Variants in NRG1 observed in about 807,000 individuals in gnomAD.
NRG1 encodes pro-neuregulin-1, membrane-bound isoform.
In NRG1, 18 loss-of-function variants were observed where a neutral mutation model predicts 63.8. The ratio of observed to expected loss-of-function variants is 0.28; its 90% CI spans 0.19 to 0.42. The LOEUF is 0.42. Among genes scored for constraint, NRG1 ranks in the 10% least tolerant of loss-of-function variants. The probability of loss-of-function intolerance (pLI) is 1.00; values close to 1 mark genes in which losing one functional copy is unlikely to be tolerated. For missense variants in NRG1, 762 were observed against 814.7 expected, an observed-to-expected ratio of 0.94 and a Z score of 0.79; for synonymous variants, 302 against 301.3, an observed-to-expected ratio of 1.00 and a Z score of -0.02.
chr8:31,762,883 A>T (rs1489409453), intron 1 of NRG1, among the ~76,000 whole-genome samples: 1 of 152,214 alleles, frequency 6.6e-6, no homozygotes, highest in East Asian at 1.9e-4. Context: ...TGACAAGGAC[A>T]TTATTAGAAA....
intron 1 of NRG1, among the ~76,000 whole-genome samples, chr8:32,039,501 T>C (rs1350021521): frequency 2.6e-5 from 4 of 152,220 alleles, no homozygotes; most frequent in East Asian, 1.9e-4. Flanking sequence ...TGTTTTGTTT[T>C]TGAGCACAGT....
intron 1 of NRG1, among the ~76,000 whole-genome samples, chr8:32,441,991 A>G (rs971098544): frequency 6.6e-6 from 1 of 152,208 alleles, no homozygotes; most frequent in Non-Finnish European, 1.5e-5. Flanking sequence ...TATGAAGGTC[A>G]GTGCTTCATA....
chr8:32,087,582 T>G (rs1043787272), intron 1 of NRG1, among the ~76,000 whole-genome samples: 1 of 137,084 alleles, frequency 7.3e-6, no homozygotes, highest in Non-Finnish European at 1.5e-5. Flanking sequence ...GCAATTCTTC[T>G]GCCTCTGCCT....
chr8:32,148,306 C>T (rs891237098), intron 1 of NRG1, among the ~76,000 whole-genome samples: 6 of 152,176 alleles, frequency 3.9e-5, no homozygotes, highest in Non-Finnish European at 4.4e-5. Context: ...CAAGCCCTAA[C>T]CACTGTGCCA....
intron 7 of NRG1, among the ~76,000 whole-genome samples, chr8:32,743,609 T>C (rs1020654585): frequency 8.8e-6 from 1 of 113,644 alleles, no homozygotes; most frequent in African/African-American, 3.3e-5. Context: ...ACTTAATAAC[T>C]TAAGGCAAAA....
At chr8:32,391,761 C>T (rs1276768851) in intron 1 of NRG1, among the ~76,000 whole-genome samples, 1 of 152,140 alleles carries the variant, frequency 6.6e-6, no homozygotes, top group Non-Finnish European at 1.5e-5. Context: ...ATCCAGTCCA[C>T]CACTGATGGG....
rs1243782854 is a variant in NRG1 at position 31,992,685 on chromosome 8, A to C, written c.37+353254A>C. 2.0e-5 allele frequency among the ~76,000 whole-genome samples: 3 copies of C among 152,018 alleles called. No individual in the cohort carries two copies. The East Asian group carries it at 5.8e-4, about 30-fold the overall frequency. On this transcript the variant is annotated intron_variant, in intron 1 of 10. Coordinates refer to the NRG1 transcript ENST00000519301. ...CACATTTGAAAGCACTGTTGCCACA[A>C]AATCACCTATTCTTTTACTGATTTT... is the stretch of plus-strand genomic sequence containing the variant.
At position 32,056,000 on chromosome 8, in the gene NRG1, A is replaced by G. The variant is rs1390837639; in HGVS notation, c.37+416569A>G. Among the ~76,000 whole-genome samples the G allele has an allele frequency of 4.6e-5, 7 of 152,320 alleles. No individual in the cohort carries two copies. In the East Asian group the frequency reaches 1.3e-3, roughly 29 times the overall value. ...CCAAGTTTTTTATTTACAATGAGCA[A>G]TATAGCTGTTAAATAGGCTATGGCA... On this transcript the variant is annotated intron_variant, in intron 1 of 10. Transcript: ENST00000519301.
At position 32,150,615 on chromosome 8, in the gene NRG1, C is replaced by T. The variant is rs1837399154; in HGVS notation, c.38-445213C>T. ...CCTTAATCTTGGACGTTCCAGCCTC[C>T]AGACTGTGATAATTAAATTTATTTT... On this transcript the variant is annotated intron_variant, in intron 1 of 10. Transcript: ENST00000519301. 1.3e-5 allele frequency among the ~76,000 whole-genome samples: 2 copies of T among 152,162 alleles called. 1 individual carries two copies. The highest frequency in any genetic ancestry group is 4.1e-4 in the South Asian group (2 of 4,826).
intron 1 of NRG1, among the ~76,000 whole-genome samples, chr8:32,205,774 GA>G (rs1254969497): frequency 6.6e-6 from 1 of 152,008 alleles, no homozygotes; most frequent in Non-Finnish European, 1.5e-5. Context: ...ACTACCTGCT[GA>G]CAAGGCTTTG....
rs146418720 is a variant in NRG1, at chr8:31,809,372, G to T, written c.37+169941G>T. Among the ~76,000 whole-genome samples, 47 of 132,222 alleles carry T rather than the reference G, an allele frequency of 3.6e-4. No individual in the cohort carries two copies. The Middle Eastern group carries it at 0.013, about 37-fold the overall frequency. The allele number at this position is 132,222 out of a possible 152,430, so 86.7% of individuals were successfully genotyped here. On this transcript the variant is annotated intron_variant, in intron 1 of 10. Transcript: ENST00000519301. Reference sequence around the variant, plus strand: ...TACACACACACACATATATATACACGTATATATACGTGTATATATATGTGT... The same window carrying T: ...TACACACACACACATATATATACACTTATATATACGTGTATATATATGTGT...
At chr8:32,235,230 CAAAAAAAAAAAAA>C (rs58148757) in intron 1 of NRG1, among the ~76,000 whole-genome samples, 1 of 88,308 alleles carries the variant, frequency 1.1e-5, no homozygotes, top group Non-Finnish European at 2.1e-5. Flanking sequence ...CTAATCTCTA[CAAAAAAAAAAAAA>C]AAAAAAAAAA....
At chr8:32,757,144 A>G (rs1458895321) in intron 9 of NRG1, among the ~76,000 whole-genome samples, 10 of 152,228 alleles carry the variant, frequency 6.6e-5, no homozygotes, top group Admixed American at 6.5e-4. Context: ...CATAATCATT[A>G]AAATATTTTT....
intron 1 of NRG1, among the ~76,000 whole-genome samples, chr8:32,543,061 A>G (rs1321780828): frequency 6.6e-6 from 1 of 152,198 alleles, no homozygotes; most frequent in Non-Finnish European, 1.5e-5. Context: ...TGTTCTATTT[A>G]GGTTCATTCT....
At chr8:32,100,639 A>C (rs1233918393) in intron 1 of NRG1, among the ~76,000 whole-genome samples, 1 of 152,094 alleles carries the variant, frequency 6.6e-6, no homozygotes, top group Non-Finnish European at 1.5e-5. Flanking sequence ...ATTTTTATTA[A>C]ATATAAGAAA....
intron 1 of NRG1, among the ~76,000 whole-genome samples, chr8:32,431,663 G>A (rs957639681): frequency 6.6e-6 from 1 of 151,794 alleles, no homozygotes; most frequent in African/African-American, 2.4e-5. Flanking sequence ...TGCTTATTTT[G>A]TGTTTTCACA....
Position 32,213,559 on chromosome 8 carries a change from A to G in NRG1, c.38-382269A>G, listed in dbSNP as rs528415857. ...TAGGTGCAGCAAACCACCATGGCAC[A>G]TGTTTACCTATGTGACAAACCTGCA... On this transcript the variant is annotated intron_variant, in intron 1 of 10. Transcript: ENST00000519301. Among the ~76,000 whole-genome samples the G allele has an allele frequency of 1.7e-4, 26 of 152,294 alleles. No homozygotes were observed. In the South Asian group the frequency reaches 5.4e-3, roughly 32 times the overall value.
At chr8:32,093,311 G>A (rs16878792) in intron 1 of NRG1, among the ~76,000 whole-genome samples, 4,946 of 152,228 alleles carry the variant, frequency 0.032, 124 homozygotes, top group South Asian at 0.074. Context: ...AAAGGCAAGT[G>A]TCATGAATGA....
At chr8:32,713,976 C>T (rs896043401) in intron 5 of NRG1, among the ~76,000 whole-genome samples, 3 of 151,856 alleles carry the variant, frequency 2.0e-5, no homozygotes, top group African/African-American at 7.3e-5. Context: ...AGGCACACAC[C>T]ACCATGCCCA....
Sources: gnomAD v4.1 joint callset for allele counts (sites outside exome capture counted in the v4.1 genomes callset) on GRCh38, gnomAD v4.1.1 for gene constraint, MANE v1.5 for transcripts, NCBI Gene and HGNC (gene_info 2026-07-23, HGNC 2026-07-21) for gene names.